SF3B1: variants seen among roughly 807,000 people sequenced by gnomAD.
SF3B1 encodes splicing factor 3b subunit 1.
SF3B1 carries 12 observed loss-of-function variants against 153.8 expected under a neutral mutation model. The observed-to-expected ratio is 0.08, with a 90% CI of 0.05 to 0.13. SF3B1 has a LOEUF of 0.13. Among genes scored for constraint, SF3B1 ranks in the 10% least tolerant of loss-of-function variants. The pLI is 1.00. For missense variants in SF3B1, 513 were observed against 1,606.1 expected (o/e 0.32, Z 11.63); for synonymous variants, 498 against 525.2 (o/e 0.95, Z 0.71).
intron 20 of SF3B1, 29 bp from the exon 21 acceptor site, chr2:197,398,610 A>G: frequency 1.2e-6 from 2 of 1,601,680 alleles, no homozygotes; most frequent in Non-Finnish European, 1.7e-6. Flanking sequence ...TAAACTATCA[A>G]CATTTGAATT....
Position 197,401,079 on chromosome 2 carries a change from T to G in SF3B1, c.2497-143A>C. The G allele has an allele frequency of 1.6e-6, 1 of 636,636 alleles. No homozygotes were observed. The highest frequency in any genetic ancestry group is 2.7e-6 in the Non-Finnish European group (1 of 372,080). 39.4% of individuals were successfully genotyped at this position (636,636 alleles called of 1,614,324 possible). ...AATGATTCATTGCTACTTATTAAAGTTGAAGAGAAAAGTGACCAAACATCG... is the reference window on the plus strand; with the variant it reads ...AATGATTCATTGCTACTTATTAAAGGTGAAGAGAAAAGTGACCAAACATCG... On this transcript the variant is annotated intron_variant, in intron 17 of 24. Transcript: ENST00000335508. This position sits in a 1 kb window ranked among gnomAD's most constrained non-coding sequence, Gnocchi z 4.2.
chr2:197,407,906 G>A (rs1317818281), intron 9 of SF3B1, 92 bp downstream of exon 9: 1 of 1,100,978 alleles, frequency 9.1e-7, no homozygotes, highest in East Asian at 2.4e-5. Context: ...TAGTAAATTT[G>A]GGCAAAGCCA....
At chr2:197,416,499 C>T in intron 6 of SF3B1, 1 of 392,090 alleles carries the variant, frequency 2.6e-6, no homozygotes, top group Non-Finnish European at 4.6e-6. Flanking sequence ...GCATGGACAA[C>T]AGAGCTTGCT....
chr2:197,416,767 T>G lies in SF3B1; in HGVS notation c.640A>C (p.Lys214Gln). 3 of 1,612,836 alleles carry G rather than the reference T, an allele frequency of 1.9e-6. No homozygotes were observed. The highest frequency in any genetic ancestry group is 2.5e-6 in the Non-Finnish European group (3 of 1,179,688). Residue 214 changes from lysine to glutamine, a missense_variant, in exon 6 of 25, where the codon AAA becomes CAA. Physicochemically the swap from Lys to Gln is moderately conservative, Grantham distance 53 (BLOSUM62 1). Coordinates refer to ENST00000335508, the MANE Select transcript of SF3B1 (RefSeq NM_012433.4). ...TCTGCCTGATCCCAACTTGATAGTT[T>G]TTTGGGAGTGGCACCAGGAGTCTGA... ...ADQTPGATPK[K>Q]LSSWDQAETP...
intron 1 of SF3B1, among the ~76,000 whole-genome samples, chr2:197,433,684 TA>T (rs1286658831): frequency 6.6e-6 from 1 of 152,244 alleles, no homozygotes; most frequent in Admixed American, 6.5e-5. Context: ...GTGACCCAAC[TA>T]TTCAAAGCCA....
At chr2:197,434,828 T>G in intron 1 of SF3B1, 144 bp downstream of exon 1, 1 of 816,386 alleles carries the variant, frequency 1.2e-6, no homozygotes, top group Non-Finnish European at 2.0e-6. Context: ...CCTGCGCCGC[T>G]GGCGCGGAGG....
chr2:197,407,606 T>A (rs867300523), intron 9 of SF3B1, among the ~76,000 whole-genome samples: 98 of 132,462 alleles, frequency 7.4e-4, no homozygotes, highest in South Asian at 3.4e-3. Context: ...CTCCATCTTT[T>A]AAAAAAAAAA....
At position 197,400,224 on chromosome 2, in the gene SF3B1, G is replaced by A; in HGVS notation, c.2901+28C>T. The A allele has an allele frequency of 2.5e-6, 4 of 1,611,634 alleles. No individual in the cohort carries two copies. The highest frequency in any genetic ancestry group is 3.4e-6 in the Non-Finnish European group (4 of 1,178,152). ...TATTTACATTAAACTATTTGGGGAA[G>A]AAGTAAGAATTTGATGCAAAAGTTT... On this transcript the variant is annotated intron_variant, in intron 19 of 24. Coordinates refer to ENST00000335508, the MANE Select transcript of SF3B1 (RefSeq NM_012433.4). The surrounding 1 kb of genome is among the most constrained non-coding windows in gnomAD (Gnocchi z 5.0).
chr2:197,411,065 G>A (rs2085060264), intron 6 of SF3B1, among the ~76,000 whole-genome samples: 1 of 152,166 alleles, frequency 6.6e-6, no homozygotes, highest in Admixed American at 6.5e-5. Context: ...AGCCTCCTGA[G>A]TAGCTGAGAC....
At chr2:197,392,504 A>T in intron 24 of SF3B1, 43 bp from the exon 25 acceptor site, 1 of 835,188 alleles carries the variant, frequency 1.2e-6, no homozygotes, top group South Asian at 1.7e-5. Flanking sequence ...TTTTAAGAAC[A>T]TACATAACCT....
chr2:197,424,464 C>T (rs898940462), intron 1 of SF3B1, among the ~76,000 whole-genome samples: 1 of 150,518 alleles, frequency 6.6e-6, no homozygotes, highest in Middle Eastern at 3.5e-3. Context: ...TGCACTCCAA[C>T]CTGGGTGACA....
chr2:197,411,883 G>A (rs766480172), intron 6 of SF3B1, among the ~76,000 whole-genome samples: 3 of 152,030 alleles, frequency 2.0e-5, no homozygotes, highest in Non-Finnish European at 4.4e-5. Context: ...GATCAATTGA[G>A]GCCAGGAGTT....
intron 6 of SF3B1, among the ~76,000 whole-genome samples, chr2:197,413,523 GA>G (rs2085102324): frequency 6.6e-6 from 1 of 152,198 alleles, no homozygotes; most frequent in African/African-American, 2.4e-5. Flanking sequence ...AAATTGTTTA[GA>G]AATTATGTAT....
At chr2:197,431,268 C>A (rs975025166) in intron 1 of SF3B1, among the ~76,000 whole-genome samples, 1 of 152,024 alleles carries the variant, frequency 6.6e-6, no homozygotes, top group African/African-American at 2.4e-5. Context: ...CAGGCTCACG[C>A]CACCATGCCC....
Position 197,400,510 on chromosome 2 carries a change from C to A in SF3B1, c.2719-76G>T. 5.5e-6 allele frequency: 7 copies of A among 1,272,100 alleles called. No homozygotes were observed. The highest frequency in any genetic ancestry group is 2.4e-5 in the East Asian group (1 of 41,574). 78.8% of individuals were successfully genotyped at this position (1,272,100 alleles called of 1,614,324 possible). On this transcript the variant is annotated intron_variant, in intron 18 of 24. Transcript: ENST00000335508. The surrounding 1 kb of genome is among the most constrained non-coding windows in gnomAD (Gnocchi z 5.0). ...CAGTTGAAATACACTAAGAGTCAAC[C>A]TTTTCTAACCACCCAAACATCTGTT...
Position 197,392,196 on chromosome 2 carries a change from T to A in SF3B1, c.*107A>T. On this transcript the variant is annotated 3_prime_UTR_variant, in exon 25 of 25. Transcript: ENST00000335508. Reference sequence around the variant, plus strand: ...TACTGGATTTCTAGCTCTTCCTCTATGACCAGTTCTACACTGATCTGCAAT... The same window carrying A: ...TACTGGATTTCTAGCTCTTCCTCTAAGACCAGTTCTACACTGATCTGCAAT... 5.9e-6 allele frequency: 3 copies of A among 505,172 alleles called. No individual in the cohort carries two copies. In the East Asian group the frequency reaches 9.2e-5, roughly 16 times the overall value. The allele number at this position is 505,172 out of a possible 1,614,324, so 31.3% of individuals were successfully genotyped here. A position where few individuals can be genotyped will look rare whatever the true frequency, so the allele number is the denominator to read the frequency against.
rs1559266163 is a variant in SF3B1 at position 197,402,713 on chromosome 2, G to C, written c.1920C>G (p.Gly640=). The stretch of plus-strand genomic sequence containing the variant: ...TTAAGAAGGGCAATAAAGAAGGAAT[G>C]CCCAGGGCAGAGGCTACAACAGCAA... The part of the protein sequence containing the change: ...RAFAVVASAL[G]IPSLLPFLKA... The change falls in exon 14 of 25, where the codon GGC becomes GGG. Residue 640 remains glycine (G), a synonymous_variant. Coordinates refer to ENST00000335508, the MANE Select transcript of SF3B1 (RefSeq NM_012433.4). The surrounding 1 kb of genome is among the most constrained non-coding windows in gnomAD (Gnocchi z 4.6). 2 of 1,614,112 alleles carry C rather than the reference G, an allele frequency of 1.2e-6. No individual in the cohort carries two copies. Among genetic ancestry groups the C allele is most frequent in the Non-Finnish European group, 1.7e-6 (2 of 1,180,000 alleles).
intron 6 of SF3B1, among the ~76,000 whole-genome samples, chr2:197,412,652 G>A (rs1480183383): frequency 6.6e-6 from 1 of 151,634 alleles, no homozygotes; most frequent in Non-Finnish European, 1.5e-5. Flanking sequence ...CACCGCGTCT[G>A]GCCGAGTCTC....
At chr2:197,403,414 G>A (rs1024046058) in intron 12 of SF3B1, among the ~76,000 whole-genome samples, 171 bp downstream of exon 12, 1 of 152,006 alleles carries the variant, frequency 6.6e-6, no homozygotes, top group Non-Finnish European at 1.5e-5. Context: ...AACCTCTTAC[G>A]GCAAAGATGA....
Sources: gnomAD v4.1 joint callset for allele counts (sites outside exome capture counted in the v4.1 genomes callset) on GRCh38, gnomAD v4.1.1 for gene constraint, Gnocchi (gnomAD v3.1) non-coding constraint, MANE v1.5 for transcripts, NCBI Gene and HGNC (gene_info 2026-07-23, HGNC 2026-07-21) for gene names.